TBATA: variants seen among roughly 807,000 people sequenced by gnomAD.
TBATA encodes the protein protein TBATA.
TBATA carries 47 observed loss-of-function variants against 38.7 expected under a neutral mutation model. That is an observed-to-expected ratio of 1.21 (90% confidence interval 0.96 to 1.55). TBATA has a LOEUF of 1.55. Ranked by LOEUF, TBATA falls within the 40% of genes most tolerant of loss-of-function variation. The pLI is 0.00. For synonymous variants in TBATA, 183 were observed against 170.5 expected (o/e 1.07, Z -0.57); for missense variants, 436 against 435.6 (o/e 1.00, Z -0.01).
chr10:70,782,074 C>A (rs749397697), intron 3 of TBATA, 38 bp from the exon 4 acceptor site: 1 of 1,603,076 alleles, frequency 6.2e-7, no homozygotes, highest in South Asian at 1.1e-5. Context: ...AATGGAGTCT[C>A]CTCTGGCAGT....
chr10:70,778,654 G>A lies in TBATA; in HGVS notation c.428-18C>T. On this transcript the variant is annotated intron_variant, in intron 5 of 10. Transcript: ENST00000456372. ...CCAGGCTTCTGGGAGGAGGGGACAAGGTCCTGCCAACTGAAGTCAGGGGCC... is the reference window on the plus strand; with the variant it reads ...CCAGGCTTCTGGGAGGAGGGGACAAAGTCCTGCCAACTGAAGTCAGGGGCC... 1 of 1,613,434 alleles carries A rather than the reference G, an allele frequency of 6.2e-7. No individual in the cohort carries two copies. Among genetic ancestry groups the A allele is most frequent in the Non-Finnish European group, 8.5e-7 (1 of 1,179,448 alleles).
intron 3 of TBATA, 77 bp from the exon 4 acceptor site, chr10:70,782,113 T>G: frequency 6.8e-7 from 1 of 1,469,760 alleles, no homozygotes; most frequent in Non-Finnish European, 9.3e-7. Context: ...AGCTCAGTGC[T>G]TGTTACAGAA....
chr10:70,776,210 C>A, intron 7 of TBATA: 1 of 365,524 alleles, frequency 2.7e-6, no homozygotes, highest in Admixed American at 3.0e-5. Context: ...GGCTGGGCCT[C>A]TCCCCAGGCC....
intron 8 of TBATA, among the ~76,000 whole-genome samples, chr10:70,774,924 G>A (rs534916070): frequency 6.6e-6 from 1 of 152,306 alleles, no homozygotes; most frequent in East Asian, 1.9e-4. Flanking sequence ...CCTCCCAGGT[G>A]CCTAGGCCTG....
At chr10:70,774,073 G>T in intron 9 of TBATA, 140 bp downstream of exon 9, 1 of 1,154,278 alleles carries the variant, frequency 8.7e-7, no homozygotes, top group Non-Finnish European at 1.2e-6. Context: ...GTCCCTGGGG[G>T]AGGGGCTGGG....
At chr10:70,776,396 G>C (rs1478723898) in intron 7 of TBATA, 1 of 456,320 alleles carries the variant, frequency 2.2e-6, no homozygotes, top group Admixed American at 2.3e-5. Context: ...CTATGGTGGA[G>C]AAAGCACCTT....
chr10:70,772,780 A>C (rs749464433), intron 9 of TBATA, among the ~76,000 whole-genome samples: 1 of 152,196 alleles, frequency 6.6e-6, no homozygotes, highest in African/African-American at 2.4e-5. Flanking sequence ...GGCCAGACCC[A>C]GACAACTGTG....
Position 70,771,250 on chromosome 10 carries a change from CG to C in TBATA, c.*125del. On this transcript the variant is annotated 3_prime_UTR_variant, in exon 11 of 11. Transcript: ENST00000456372. ...CAGAACTGTCCTCTCTCAGGGAAGA[CG>C]GTTTTATTTAGTAAGAGTTTTCACG... 11 of 1,594,268 alleles carry C rather than the reference CG, an allele frequency of 6.9e-6. No individual in the cohort carries two copies. The highest frequency in any genetic ancestry group is 8.6e-6 in the Non-Finnish European group (10 of 1,167,724).
intron 2 of TBATA, among the ~76,000 whole-genome samples, chr10:70,783,935 T>A (rs541089322): frequency 6.6e-6 from 1 of 152,250 alleles, no homozygotes; most frequent in African/African-American, 2.4e-5. Context: ...ACAAGATATA[T>A]GCATTTGAAA....
intron 10 of TBATA, among the ~76,000 whole-genome samples, chr10:70,771,961 C>G (rs538300423): frequency 6.6e-6 from 1 of 152,252 alleles, no homozygotes; most frequent in East Asian, 1.9e-4. Flanking sequence ...ACACACCTGG[C>G]CTTTACCGCA....
rs972634977 is a variant in TBATA, at chr10:70,785,265, C to T, written c.-274+20G>A. ...GCTGTCCAGGGTCCATCTCCTCTCC[C>T]GAGAGGTCCCTGGACTCACCAAGGC... On this transcript the variant is annotated intron_variant, in intron 1 of 10. Coordinates refer to ENST00000456372, the MANE Select transcript of TBATA (RefSeq NM_001318241.2). The T allele has an allele frequency of 6.6e-6, 1 of 152,288 alleles. No individual in the cohort carries two copies. Among genetic ancestry groups the T allele is most frequent in the Admixed American group, 6.5e-5 (1 of 15,276 alleles). The allele number at this position is 152,288 out of a possible 1,614,324, so 9.4% of individuals were successfully genotyped here.
At chr10:70,772,322 CCA>C in intron 10 of TBATA, 190 bp downstream of exon 10, 1 of 727,050 alleles carries the variant, frequency 1.4e-6, no homozygotes, top group Non-Finnish European at 2.5e-6. Context: ...TCACTGATCC[CCA>C]GAGTTCAGCA....
At chr10:70,777,865 C>T (rs1359449902) in intron 6 of TBATA, 5 of 441,214 alleles carry the variant, frequency 1.1e-5, no homozygotes, top group South Asian at 6.5e-5. Context: ...ATCCTTCCCC[C>T]CATTTTAAAG....
intron 1 of TBATA, among the ~76,000 whole-genome samples, 196 bp from the exon 2 acceptor site, chr10:70,784,969 T>C (rs534517072): frequency 6.6e-6 from 1 of 152,162 alleles, no homozygotes; most frequent in Non-Finnish European, 1.5e-5. Context: ...CTATTTTTGG[T>C]TTTTATTTCT....
At position 70,781,653 on chromosome 10, in the gene TBATA, G is replaced by A. The variant is rs910985167; in HGVS notation, c.277+148C>T. ...CTCTCCTGCCCACTGAGCAGTCCTG[G>A]CTGGGTTCTTTGGCAGCCCTGGGAT... On this transcript the variant is annotated intron_variant, in intron 4 of 10. Transcript: ENST00000456372. 3.5e-5 allele frequency: 26 copies of A among 751,348 alleles called. No individual in the cohort carries two copies. The East Asian group carries it at 4.0e-4, about 12-fold the overall frequency. The allele number at this position is 751,348 out of a possible 1,614,324, so 46.5% of individuals were successfully genotyped here. A position where few individuals can be genotyped will look rare whatever the true frequency, so the allele number is the denominator to read the frequency against.
intron 3 of TBATA, chr10:70,782,344 C>T (rs1482236492): frequency 7.1e-7 from 1 of 1,403,482 alleles, no homozygotes; most frequent in African/African-American, 1.4e-5. Context: ...AGAGAAGCTG[C>T]AGACCCACCT....
Position 70,785,298 on chromosome 10 carries a change from G to A in TBATA, c.-287C>T, listed in dbSNP as rs1040065864. 18 of 152,302 alleles carry A rather than the reference G, an allele frequency of 1.2e-4. No homozygotes were observed. The highest frequency in any genetic ancestry group is 3.4e-4 in the African/African-American group (14 of 41,436). 9.4% of individuals were successfully genotyped at this position (152,302 alleles called of 1,614,324 possible). On this transcript the variant is annotated 5_prime_UTR_variant, in exon 1 of 11. Transcript: ENST00000456372. ...CCCTGGACTCACCAAGGCAGTGCCC[G>A]CTACAGCATGTGTACGAGAAGCCCT...
intron 5 of TBATA, 110 bp downstream of exon 5, chr10:70,779,483 C>A: frequency 7.8e-7 from 1 of 1,280,736 alleles, no homozygotes; most frequent in Non-Finnish European, 1.0e-6. Flanking sequence ...CAACGGACCT[C>A]ACTGACCTAA....
At chr10:70,773,474 G>GCCTT (rs1160318465) in intron 9 of TBATA, among the ~76,000 whole-genome samples, 1 of 89,180 alleles carries the variant, frequency 1.1e-5, no homozygotes, top group African/African-American at 4.1e-5. Context: ...GGCCCCCCCG[G>GCCTT]CTTCACCCCG....
Sources: allele counts gnomAD v4.1 joint callset (sites outside exome capture counted in the v4.1 genomes callset), GRCh38; gene constraint gnomAD v4.1.1; transcripts MANE v1.5; gene names NCBI Gene and HGNC (gene_info 2026-07-23, HGNC 2026-07-21).